Variants in SUPT3H observed in about 807,000 individuals in gnomAD.
SUPT3H encodes SPT3 homolog, SAGA and STAGA complex component.
Under a neutral mutation model 44.3 loss-of-function variants are expected in SUPT3H, and 44 were observed. The ratio of observed to expected loss-of-function variants is 0.99; its 90% CI spans 0.78 to 1.28. The LOEUF (loss-of-function observed/expected upper bound fraction) is 1.28. SUPT3H is among the 50% of genes most tolerant of loss of function. SUPT3H has a pLI of 0.00. For synonymous variants in SUPT3H, 124 were observed against 125.6 expected (o/e 0.99, Z 0.09); for missense variants, 380 against 387.1 (o/e 0.98, Z 0.15).
chr6:45,000,557 C>G (rs1278145130), intron 6 of SUPT3H, among the ~76,000 whole-genome samples: 1 of 152,056 alleles, frequency 6.6e-6, no homozygotes, highest in African/African-American at 2.4e-5. Context: ...TCTGATTTCT[C>G]TTATTATTCA....
chr6:45,013,103 G>A (rs1442362134), intron 5 of SUPT3H, among the ~76,000 whole-genome samples: 11 of 152,054 alleles, frequency 7.2e-5, no homozygotes, highest in Admixed American at 7.2e-4. Flanking sequence ...ATACCCTTGG[G>A]CATAAATTGC....
In SUPT3H at chr6:44,971,937, T is replaced by C. The variant is rs935289370; in HGVS notation, c.505-10109A>G. ...ACAGGCGCCTGCCACCACACCCGGC[T>C]AATTTTTTTTGTATTTTTAGTAGAG... is the stretch of plus-strand genomic sequence containing the variant. On this transcript the variant is annotated intron_variant, in intron 6 of 10. Transcript: ENST00000371459. 4.5e-4 allele frequency among the ~76,000 whole-genome samples: 68 copies of C among 150,562 alleles called. 1 individual carries two copies. The highest frequency in any genetic ancestry group is 1.2e-4 in the Non-Finnish European group (8 of 67,128).
chr6:45,296,185 T>TATATATATACAC lies in SUPT3H; in HGVS notation c.101+69015_101+69016insGTGTATATATAT, dbSNP rs377152580. On this transcript the variant is annotated intron_variant, in intron 2 of 10. Coordinates refer to ENST00000371459, the MANE Select transcript of SUPT3H (RefSeq NM_003599.4). The stretch of plus-strand genomic sequence containing the variant: ...TACATACATATATACATACACATAC[T>TATATATATACAC]ACACACACACACACACACACACACA... Among the ~76,000 whole-genome samples the TATATATATACAC allele has an allele frequency of 2.3e-3, 317 of 140,548 alleles. 1 individual carries two copies. Among genetic ancestry groups the TATATATATACAC allele is most frequent in the Admixed American group, 4.1e-3 (58 of 14,316 alleles). 92.2% of individuals were successfully genotyped at this position (140,548 alleles called of 152,430 possible). A position where few individuals can be genotyped will look rare whatever the true frequency, so the allele number is the denominator to read the frequency against.
At chr6:45,302,550 TATATATGC>T (rs58321345) in intron 2 of SUPT3H, among the ~76,000 whole-genome samples, 2,762 of 120,408 alleles carry the variant, frequency 0.023, 87 homozygotes, top group East Asian at 0.04. Flanking sequence ...TATATATATA[TATATATGC>T]ATGCCACAAT....
chr6:45,019,708 T>C (rs1354446233), intron 4 of SUPT3H, among the ~76,000 whole-genome samples: 1 of 152,112 alleles, frequency 6.6e-6, no homozygotes, highest in East Asian at 1.9e-4. Context: ...TACCTAAGAC[T>C]GCCTCACCCT....
intron 2 of SUPT3H, among the ~76,000 whole-genome samples, chr6:45,237,262 C>G (rs991210380): frequency 6.6e-6 from 1 of 152,206 alleles, no homozygotes; most frequent in Non-Finnish European, 1.5e-5. Context: ...TTCTCTACAG[C>G]ATTGGCTGTT....
chr6:44,940,875 C>T (rs1019303542), intron 9 of SUPT3H, among the ~76,000 whole-genome samples: 1 of 152,078 alleles, frequency 6.6e-6, no homozygotes, highest in Non-Finnish European at 1.5e-5. Flanking sequence ...AGTATCACTA[C>T]TGCTGTTCAC....
chr6:44,862,017 AC>A (rs1366769703), intron 10 of SUPT3H, among the ~76,000 whole-genome samples: 2 of 152,166 alleles, frequency 1.3e-5, no homozygotes, highest in Admixed American at 1.3e-4. Flanking sequence ...CCCTGCAAGG[AC>A]ACTACCTTAA....
intron 10 of SUPT3H, among the ~76,000 whole-genome samples, chr6:44,900,544 CCCA>C (rs1764828285): frequency 6.6e-6 from 1 of 152,186 alleles, no homozygotes; most frequent in East Asian, 1.9e-4. Context: ...CTGGGTGGAG[CCCA>C]CCACAACTCA....
At chr6:44,900,836 C>A (rs534110755) in intron 10 of SUPT3H, among the ~76,000 whole-genome samples, 2 of 152,282 alleles carry the variant, frequency 1.3e-5, no homozygotes, top group Non-Finnish European at 2.9e-5. Flanking sequence ...TCCAGAGGAA[C>A]GATCAGGCAG....
intron 2 of SUPT3H, among the ~76,000 whole-genome samples, chr6:45,170,128 G>A (rs891806995): frequency 6.6e-6 from 1 of 152,088 alleles, no homozygotes; most frequent in African/African-American, 2.4e-5. Context: ...AGAACTCTTC[G>A]TAGACTTCTA....
chr6:44,838,261 T>C (rs1489660256), intron 10 of SUPT3H, among the ~76,000 whole-genome samples: 1 of 152,190 alleles, frequency 6.6e-6, no homozygotes, highest in African/African-American at 2.4e-5. Context: ...TACTTATTCA[T>C]TCAAAAAACA....
chr6:44,858,737 C>A (rs1428497840), intron 10 of SUPT3H, among the ~76,000 whole-genome samples: 2 of 152,108 alleles, frequency 1.3e-5, no homozygotes, highest in East Asian at 3.8e-4. Context: ...GGAGAAGGAC[C>A]TGAGAAGGTA....
At chr6:45,090,271 A>T (rs574095760) in intron 3 of SUPT3H, among the ~76,000 whole-genome samples, 1 of 152,076 alleles carries the variant, frequency 6.6e-6, no homozygotes, top group Non-Finnish European at 1.5e-5. Context: ...TTTGAAACTC[A>T]GTGTAAATAA....
chr6:45,031,092 A>T (rs1322579068), intron 3 of SUPT3H, among the ~76,000 whole-genome samples: 1 of 152,184 alleles, frequency 6.6e-6, no homozygotes, highest in South Asian at 2.1e-4. Context: ...CTATGATTTC[A>T]TGTTTTAGTG....
At chr6:44,965,054 CAT>C (rs935738285) in intron 6 of SUPT3H, among the ~76,000 whole-genome samples, 4 of 152,176 alleles carry the variant, frequency 2.6e-5, no homozygotes, top group African/African-American at 9.7e-5. Context: ...CTCTAAATTT[CAT>C]ATATTGTCTT....
chr6:44,819,703 G>A (rs543980424), intron 11 of SUPT3H, among the ~76,000 whole-genome samples: 1 of 152,064 alleles, frequency 6.6e-6, no homozygotes, highest in Non-Finnish European at 1.5e-5. Flanking sequence ...TGAGGTGGGA[G>A]GATTGCTTGA....
At chr6:45,019,106 T>G (rs2153516795) in intron 4 of SUPT3H, among the ~76,000 whole-genome samples, 1 of 152,320 alleles carries the variant, frequency 6.6e-6, no homozygotes, top group East Asian at 1.9e-4. Context: ...ATTTATCCAT[T>G]TCTTCTAGAT....
At chr6:44,929,352 CAA>C (rs1239587084) in intron 10 of SUPT3H, among the ~76,000 whole-genome samples, 2 of 151,952 alleles carry the variant, frequency 1.3e-5, no homozygotes, top group Admixed American at 1.3e-4. Flanking sequence ...AAACTATTAA[CAA>C]TATCAAATTA....
Sources: allele counts gnomAD v4.1 joint callset (sites outside exome capture counted in the v4.1 genomes callset), GRCh38; gene constraint gnomAD v4.1.1; transcripts MANE v1.5; gene names NCBI Gene and HGNC (gene_info 2026-07-23, HGNC 2026-07-21).